Variants in JAG1 observed in about 807,000 individuals in gnomAD.
JAG1 encodes the protein protein jagged-1.
A neutral mutation model predicts 148.7 loss-of-function variants in JAG1; 23 were observed. That is an observed-to-expected ratio of 0.15 (90% confidence interval 0.11 to 0.22). The LOEUF (loss-of-function observed/expected upper bound fraction) is 0.22, where lower values mean the gene tolerates loss of function less well. Ranked by LOEUF, JAG1 falls within the 10% of genes least tolerant of loss-of-function variation. JAG1 has a pLI of 1.00. For missense variants in JAG1, 1,054 were observed against 1,611.2 expected (o/e 0.65, Z 5.92); for synonymous variants, 572 against 598.3 (o/e 0.96, Z 0.64).
chr20:10,649,708 A>G, intron 9 of JAG1, 73 bp from the exon 10 acceptor site: 1 of 852,394 alleles, frequency 1.2e-6, no homozygotes, highest in Non-Finnish European at 2.0e-6. Flanking sequence ...AAAAAAAAGA[A>G]CAGGCCAGAG....
intron 2 of JAG1, among the ~76,000 whole-genome samples, chr20:10,672,019 A>T (rs2067498963): frequency 6.6e-6 from 1 of 151,504 alleles, no homozygotes; most frequent in Non-Finnish European, 1.5e-5. Context: ...GCTGGAAGTG[A>T]GGCCACAAGA....
chr20:10,641,712 TG>T lies in JAG1; in HGVS notation c.2683-20del. The stretch of plus-strand genomic sequence containing the variant: ...ACCAGACCTGGAGAAAAACAGAAGC[TG>T]GCAGCTTAGCAGGCATGCTCATCCC... On this transcript the variant is annotated intron_variant, in intron 22 of 25. Coordinates refer to ENST00000254958, the MANE Select transcript of JAG1 (RefSeq NM_000214.3). 1 of 1,613,136 alleles carries T rather than the reference TG, an allele frequency of 6.2e-7. No homozygotes were observed. Among genetic ancestry groups the T allele is most frequent in the Non-Finnish European group, 8.5e-7 (1 of 1,179,054 alleles).
Position 10,652,253 on chromosome 20 carries a change from G to A in JAG1, c.887-3C>T, listed in dbSNP as rs1226158275. On this transcript the variant is annotated splice_region_variant and splice_polypyrimidine_tract_variant and intron_variant, in intron 6 of 25. Transcript: ENST00000254958. ...ATGAGTCCCACAGTAATTGAGATCT[G>A]CCAAAAAGATCCTGGAGTCACTAAG... is the stretch of plus-strand genomic sequence containing the variant. 2 of 1,613,878 alleles carry A rather than the reference G, an allele frequency of 1.2e-6. No individual in the cohort carries two copies. The highest frequency in any genetic ancestry group is 1.7e-6 in the Non-Finnish European group (2 of 1,179,902).
At chr20:10,649,370 C>G in intron 10 of JAG1, 152 bp downstream of exon 10, 1 of 687,316 alleles carries the variant, frequency 1.5e-6, no homozygotes, top group Non-Finnish European at 2.6e-6. Flanking sequence ...TGTATGTTTT[C>G]ACTGCTGCCC....
At chr20:10,659,027 C>T (rs2067396593) in intron 3 of JAG1, among the ~76,000 whole-genome samples, 1 of 151,978 alleles carries the variant, frequency 6.6e-6, no homozygotes, top group South Asian at 2.1e-4. Context: ...AGTGAGCATT[C>T]CTTGAACGTA....
In JAG1 at chr20:10,650,229, TCA is replaced by T. The variant is rs748291058; in HGVS notation, c.1234+16_1234+17del. 2 of 1,518,200 alleles carry T rather than the reference TCA, an allele frequency of 1.3e-6. No individual in the cohort carries two copies. The allele number at this position is 1,518,200 out of a possible 1,614,324, so 94.0% of individuals were successfully genotyped here. A position where few individuals can be genotyped will look rare whatever the true frequency, so the allele number is the denominator to read the frequency against. On this transcript the variant is annotated intron_variant, in intron 9 of 25. Transcript: ENST00000254958. Reference sequence around the variant, plus strand: ...GCCAACCTTGGTATAAAAATTACAGTCACAGGGATGTTCTTACCTAACTGGCA... The same window carrying T: ...GCCAACCTTGGTATAAAAATTACAGTCAGGGATGTTCTTACCTAACTGGCA...
chr20:10,647,614 G>A (rs2067318095), intron 13 of JAG1, among the ~76,000 whole-genome samples: 1 of 152,214 alleles, frequency 6.6e-6, no homozygotes, highest in Non-Finnish European at 1.5e-5. Context: ...ACCTGACCGT[G>A]CAGATACAGA....
At chr20:10,670,931 A>T (rs1294631801) in intron 2 of JAG1, among the ~76,000 whole-genome samples, 1 of 152,248 alleles carries the variant, frequency 6.6e-6, no homozygotes, top group Non-Finnish European at 1.5e-5. Flanking sequence ...AAAAGCGGAC[A>T]GACGCACTTT....
At chr20:10,644,179 C>T (rs778804548) in intron 19 of JAG1, among the ~76,000 whole-genome samples, 178 bp downstream of exon 19, 1 of 151,974 alleles carries the variant, frequency 6.6e-6, no homozygotes, top group Admixed American at 6.6e-5. Flanking sequence ...GCAGCAGGAT[C>T]GCTTCACCTG....
intron 3 of JAG1, among the ~76,000 whole-genome samples, chr20:10,659,881 G>T (rs1302113313): frequency 6.6e-6 from 1 of 152,150 alleles, no homozygotes; most frequent in Non-Finnish European, 1.5e-5. Context: ...AGAAGAGACA[G>T]GTACAAAAAT....
intron 2 of JAG1, among the ~76,000 whole-genome samples, chr20:10,669,494 G>C (rs2067479900): frequency 1.5e-5 from 2 of 135,952 alleles, no homozygotes; most frequent in East Asian, 2.2e-4. Context: ...AAGCATGAAG[G>C]GGGCCAAAGC....
At position 10,648,500 on chromosome 20, in the gene JAG1, G is replaced by T. The variant is rs749518849; in HGVS notation, c.1569+49C>A. On this transcript the variant is annotated intron_variant, in intron 12 of 25. Transcript: ENST00000254958. ...AAAGTAAAGGGAAGCGGAGGAGGCA[G>T]CGGCTCTGCTCTAAAAACTTGGCCA... 31 of 1,504,250 alleles carry T rather than the reference G, an allele frequency of 2.1e-5. 1 individual carries two copies. Among genetic ancestry groups the T allele is most frequent in the Non-Finnish European group, 3.7e-6 (4 of 1,081,568 alleles). The allele number at this position is 1,504,250 out of a possible 1,614,324, so 93.2% of individuals were successfully genotyped here.
At chr20:10,668,721 T>C (rs1295523740) in intron 2 of JAG1, among the ~76,000 whole-genome samples, 1 of 152,060 alleles carries the variant, frequency 6.6e-6, no homozygotes, top group East Asian at 1.9e-4. Context: ...TTTCCACGTC[T>C]TCTATCTAAA....
chr20:10,653,425 C>T (rs1027713441), intron 5 of JAG1, among the ~76,000 whole-genome samples: 4 of 150,764 alleles, frequency 2.7e-5, no homozygotes, highest in African/African-American at 9.8e-5. Flanking sequence ...CAACAACTTT[C>T]ATCTGGGGTG....
chr20:10,646,205 C>T (rs1831813078), intron 14 of JAG1, 121 bp from the exon 15 acceptor site: 1 of 727,276 alleles, frequency 1.4e-6, no homozygotes, highest in Non-Finnish European at 2.5e-6. Context: ...CACCTGCTAC[C>T]CTCCATCAGG....
chr20:10,639,457 G>A lies in JAG1; in HGVS notation c.*41C>T. 1 of 1,517,444 alleles carries A rather than the reference G, an allele frequency of 6.6e-7. No individual in the cohort carries two copies. Among genetic ancestry groups the A allele is most frequent in the Non-Finnish European group, 9.2e-7 (1 of 1,091,714 alleles). The allele number at this position is 1,517,444 out of a possible 1,614,324, so 94.0% of individuals were successfully genotyped here. On this transcript the variant is annotated 3_prime_UTR_variant, in exon 26 of 26. Transcript: ENST00000254958. ...GACACGACAGTTTAAAGAACTACAAGCCCTCAGACTCTACCTAGCGGCGGC... is the reference window on the plus strand; with the variant it reads ...GACACGACAGTTTAAAGAACTACAAACCCTCAGACTCTACCTAGCGGCGGC...
intron 5 of JAG1, among the ~76,000 whole-genome samples, chr20:10,655,806 C>T (rs968589814): frequency 9.9e-5 from 15 of 152,272 alleles, no homozygotes; most frequent in African/African-American, 3.6e-4. Flanking sequence ...CAGGGCAGGC[C>T]TCCCTTTGGC....
rs967694327 is a variant in JAG1 at position 10,644,443 on chromosome 20, T to C, written c.2345-59A>G. The C allele has an allele frequency of 4.4e-6, 6 of 1,373,706 alleles. 1 individual carries two copies. Among genetic ancestry groups the C allele is most frequent in the Middle Eastern group, 3.5e-4 (2 of 5,662 alleles). 85.1% of individuals were successfully genotyped at this position (1,373,706 alleles called of 1,614,324 possible). A position where few individuals can be genotyped will look rare whatever the true frequency, so the allele number is the denominator to read the frequency against. ...TCAACAGGGAAAGCGGTCTTAGCCCTAAGTAAAACCACCACTTATTTTCCT... is the reference window on the plus strand; with the variant it reads ...TCAACAGGGAAAGCGGTCTTAGCCCCAAGTAAAACCACCACTTATTTTCCT... On this transcript the variant is annotated intron_variant, in intron 18 of 25. Coordinates refer to ENST00000254958, the MANE Select transcript of JAG1 (RefSeq NM_000214.3).
In JAG1 at chr20:10,673,437, G is replaced by C. The variant is rs2067512972; in HGVS notation, c.81+13C>G. Reference sequence around the variant, plus strand: ...AGGACGGCTGGGAGGGAGGCCCGGAGAAGGGCTCCTACCTTGGCTCGCAGG... The same window carrying C: ...AGGACGGCTGGGAGGGAGGCCCGGACAAGGGCTCCTACCTTGGCTCGCAGG... On this transcript the variant is annotated intron_variant, in intron 1 of 25. Coordinates refer to ENST00000254958, the MANE Select transcript of JAG1 (RefSeq NM_000214.3). The surrounding 1 kb of genome is among the most constrained non-coding windows in gnomAD (Gnocchi z 4.7). 6.2e-6 allele frequency: 9 copies of C among 1,451,824 alleles called. No homozygotes were observed. Among genetic ancestry groups the C allele is most frequent in the Non-Finnish European group, 8.2e-6 (9 of 1,102,432 alleles). 89.9% of individuals were successfully genotyped at this position (1,451,824 alleles called of 1,614,324 possible).
Sources: gnomAD v4.1 joint callset for allele counts (sites outside exome capture counted in the v4.1 genomes callset) on GRCh38, gnomAD v4.1.1 for gene constraint, Gnocchi (gnomAD v3.1) non-coding constraint, MANE v1.5 for transcripts, NCBI Gene and HGNC (gene_info 2026-07-23, HGNC 2026-07-21) for gene names.